UTRN: variants seen among roughly 807,000 people sequenced by gnomAD.
The protein encoded by UTRN is dystrophin-related protein 1.
A neutral mutation model predicts 463.9 loss-of-function variants in UTRN; 283 were observed. That is an observed-to-expected ratio of 0.61 (90% CI 0.55 to 0.67). The LOEUF (loss-of-function observed/expected upper bound fraction) is 0.67. UTRN is among the 30% of genes least tolerant of loss of function. The pLI is 0.00. For missense variants in UTRN, 3,922 were observed against 4,084.3 expected (o/e 0.96, Z 1.08); for synonymous variants, 1,442 against 1,431.5 (o/e 1.01, Z -0.17).
intron 48 of UTRN, 62 bp downstream of exon 48, chr6:144,551,144 C>T (rs1233076721): frequency 1.3e-5 from 10 of 745,750 alleles, no homozygotes; most frequent in Non-Finnish European, 2.1e-5. Context: ...GTGACACACA[C>T]ACACACACAC....
chr6:144,839,816 A>G (rs1781405725), intron 72 of UTRN, among the ~76,000 whole-genome samples: 1 of 152,216 alleles, frequency 6.6e-6, no homozygotes, highest in Non-Finnish European at 1.5e-5. Flanking sequence ...AGGACTCAGT[A>G]AACTAGGTGT....
chr6:144,295,282 T>C (rs1016721311), intron 2 of UTRN, among the ~76,000 whole-genome samples: 2 of 152,260 alleles, frequency 1.3e-5, no homozygotes, highest in African/African-American at 4.8e-5. Flanking sequence ...TTTCATTCAA[T>C]AATTAACATA....
chr6:144,678,711 T>C (rs566440834), intron 52 of UTRN, 133 bp downstream of exon 52: 1 of 871,172 alleles, frequency 1.1e-6, no homozygotes, highest in South Asian at 2.2e-5. Flanking sequence ...AAGATTTTAA[T>C]GCAAAGCCTG....
intron 26 of UTRN, among the ~76,000 whole-genome samples, chr6:144,481,896 A>G (rs1791915672): frequency 6.6e-6 from 1 of 152,220 alleles, no homozygotes; most frequent in Non-Finnish European, 1.5e-5. Flanking sequence ...CATCTCGACT[A>G]AAAAATATGA....
At chr6:144,511,898 T>A (rs1416028458) in intron 35 of UTRN, among the ~76,000 whole-genome samples, 4 of 152,174 alleles carry the variant, frequency 2.6e-5, no homozygotes, top group Non-Finnish European at 5.9e-5. Context: ...TTTTTTTTAA[T>A]TCTGAAATAC....
In UTRN at chr6:144,317,352, T is replaced by C. The variant is rs73780521; in HGVS notation, c.79+25445T>C. 2.8e-3 allele frequency among the ~76,000 whole-genome samples: 419 copies of C among 152,316 alleles called. 1 individual carries two copies. Among genetic ancestry groups the C allele is most frequent in the African/African-American group, 9.5e-3 (397 of 41,576 alleles). Reference sequence around the variant, plus strand: ...GAGATTGCAGGAAGTTCGCCAACGATTTGCCTTAATCCTGAAGCCAATTTA... The same window carrying C: ...GAGATTGCAGGAAGTTCGCCAACGACTTGCCTTAATCCTGAAGCCAATTTA... On this transcript the variant is annotated intron_variant, in intron 2 of 74. Transcript: ENST00000367545.
intron 19 of UTRN, among the ~76,000 whole-genome samples, chr6:144,458,355 T>C (rs541902907): frequency 2.0e-5 from 3 of 152,286 alleles, no homozygotes; most frequent in Admixed American, 2.0e-4. Flanking sequence ...GCCTCCTAGT[T>C]TTTCTAGCCA....
chr6:144,519,507 A>G (rs982492711), intron 39 of UTRN, among the ~76,000 whole-genome samples: 3 of 152,190 alleles, frequency 2.0e-5, no homozygotes, highest in South Asian at 2.1e-4. Context: ...GACCTCTAGT[A>G]TATTTGTGTT....
At chr6:144,352,250 A>C (rs7748561) in intron 2 of UTRN, among the ~76,000 whole-genome samples, 12,152 of 152,166 alleles carry the variant, frequency 0.08, 1,573 homozygotes, top group African/African-American at 0.28. Flanking sequence ...CTGAGTAACG[A>C]GTGTTATAGC....
intron 23 of UTRN, among the ~76,000 whole-genome samples, chr6:144,470,698 C>G (rs1211465924): frequency 6.6e-6 from 1 of 151,940 alleles, no homozygotes; most frequent in African/African-American, 2.4e-5. Context: ...GAGGTTGTAG[C>G]GAGCCGAGAT....
intron 73 of UTRN, 69 bp downstream of exon 73, chr6:144,840,901 C>T: frequency 6.5e-7 from 1 of 1,529,636 alleles, no homozygotes; most frequent in Non-Finnish European, 9.0e-7. Flanking sequence ...TGCATGCGGC[C>T]CTTCGCCTTC....
At chr6:144,314,885 AC>A (rs1244000847) in intron 2 of UTRN, among the ~76,000 whole-genome samples, 1 of 152,122 alleles carries the variant, frequency 6.6e-6, no homozygotes, top group Non-Finnish European at 1.5e-5. Context: ...GTGCCATTTT[AC>A]ATGTATTGCA....
At chr6:144,746,545 C>G (rs887552071) in intron 54 of UTRN, among the ~76,000 whole-genome samples, 1 of 152,000 alleles carries the variant, frequency 6.6e-6, no homozygotes, top group Admixed American at 6.6e-5. Flanking sequence ...GGCACTGTGT[C>G]GGCTCACTGC....
At chr6:144,754,050 A>G (rs1426905314) in intron 56 of UTRN, among the ~76,000 whole-genome samples, 1 of 152,050 alleles carries the variant, frequency 6.6e-6, no homozygotes, top group Non-Finnish European at 1.5e-5. Context: ...ATCTTCTACC[A>G]CCTCACTCAC....
At chr6:144,512,714 T>A (rs1002633441) in intron 35 of UTRN, among the ~76,000 whole-genome samples, 2 of 151,874 alleles carry the variant, frequency 1.3e-5, no homozygotes, top group East Asian at 3.9e-4. Context: ...CTAATTTTTT[T>A]ATTTTTTGTA....
At chr6:144,561,570 A>G (rs182893466) in intron 50 of UTRN, among the ~76,000 whole-genome samples, 1 of 152,116 alleles carries the variant, frequency 6.6e-6, no homozygotes, top group East Asian at 1.9e-4. Context: ...TGCCTATGTT[A>G]AGGTATTTCT....
intron 51 of UTRN, among the ~76,000 whole-genome samples, chr6:144,670,834 A>G (rs996649350): frequency 2.0e-5 from 3 of 152,164 alleles, no homozygotes; most frequent in African/African-American, 7.2e-5. Context: ...ATGAGGATCC[A>G]ATTTCATTCT....
intron 62 of UTRN, among the ~76,000 whole-genome samples, chr6:144,793,085 G>GA (rs1776902722): frequency 6.6e-6 from 1 of 151,952 alleles, no homozygotes; most frequent in African/African-American, 2.4e-5. Flanking sequence ...GCCCAAAGGA[G>GA]AAAAAACACA....
intron 51 of UTRN, among the ~76,000 whole-genome samples, chr6:144,635,829 G>A (rs1002067194): frequency 2.6e-5 from 4 of 151,938 alleles, no homozygotes; most frequent in South Asian, 2.1e-4. Flanking sequence ...GTGAGCCATC[G>A]TGCCCAGCCT....
Sources: gnomAD v4.1 joint callset for allele counts (sites outside exome capture counted in the v4.1 genomes callset) on GRCh38, gnomAD v4.1.1 for gene constraint, MANE v1.5 for transcripts, NCBI Gene and HGNC (gene_info 2026-07-23, HGNC 2026-07-21) for gene names.